Variants in ADAM12 observed in about 807,000 individuals in gnomAD.
ADAM12 encodes the protein ADAM metallopeptidase domain 12, also known as disintegrin and metalloproteinase domain-containing protein 12.
A neutral mutation model predicts 106.4 loss-of-function variants in ADAM12; 70 were observed. The ratio of observed to expected loss-of-function variants is 0.66; its 90% CI spans 0.54 to 0.80. The LOEUF is 0.80. Among genes scored for constraint, ADAM12 ranks in the 30% least tolerant of loss-of-function variants. The pLI is 0.00. For missense variants in ADAM12, 1,010 were observed against 1,171.9 expected (o/e 0.86, Z 2.02); for synonymous variants, 420 against 433.5 (o/e 0.97, Z 0.39).
At chr10:126,057,799 C>T (rs1028011112) in intron 14 of ADAM12, among the ~76,000 whole-genome samples, 7 of 152,188 alleles carry the variant, frequency 4.6e-5, no homozygotes, top group African/African-American at 7.2e-5. Context: ...TTTGTGAAAA[C>T]GGACTGTGGG....
At chr10:126,217,387 A>G (rs9422962) in intron 3 of ADAM12, among the ~76,000 whole-genome samples, 149,971 of 149,986 alleles carry the variant, frequency 1, 74,978 homozygotes, top group Middle Eastern at 1. Context: ...TTTTTTTTGA[A>G]ACGGAGTTTC....
At position 126,066,886 on chromosome 10, in the gene ADAM12, G is replaced by A; in HGVS notation, c.1324-80C>T. 7.3e-7 allele frequency: 1 copy of A among 1,362,896 alleles called. No individual in the cohort carries two copies. Among genetic ancestry groups the A allele is most frequent in the Non-Finnish European group, 1.0e-6 (1 of 968,254 alleles). 84.4% of individuals were successfully genotyped at this position (1,362,896 alleles called of 1,614,324 possible). On this transcript the variant is annotated intron_variant, in intron 12 of 22. Transcript: ENST00000448723. The surrounding 1 kb of genome is among the most constrained non-coding windows in gnomAD (Gnocchi z 5.1). Reference sequence around the variant, plus strand: ...GAATGCAAACATCACACCTTAAATGGCTGCAAAAAGCAAGAAAGACCAAGA... The same window carrying A: ...GAATGCAAACATCACACCTTAAATGACTGCAAAAAGCAAGAAAGACCAAGA...
intron 1 of ADAM12, among the ~76,000 whole-genome samples, chr10:126,333,176 A>G (rs1379572756): frequency 6.6e-6 from 1 of 152,222 alleles, no homozygotes. Flanking sequence ...AACCAGTTTA[A>G]TTATAAGGTA....
chr10:126,202,414 C>T (rs952836156), intron 3 of ADAM12, among the ~76,000 whole-genome samples: 1 of 152,086 alleles, frequency 6.6e-6, no homozygotes, highest in East Asian at 1.9e-4. Context: ...AATGACATTA[C>T]GAAGTCTGAA....
chr10:126,386,578 C>A (rs912910359), intron 1 of ADAM12, among the ~76,000 whole-genome samples: 1 of 152,072 alleles, frequency 6.6e-6, no homozygotes, highest in African/African-American at 2.4e-5. Flanking sequence ...CTCTCTCTAC[C>A]AAAGCTGAAC....
At chr10:126,098,214 C>T (rs1017698188) in intron 10 of ADAM12, among the ~76,000 whole-genome samples, 47 of 152,220 alleles carry the variant, frequency 3.1e-4, no homozygotes, top group African/African-American at 1.0e-3. Context: ...TACATGCCCA[C>T]CTTTCCTGTG....
rs771275082 is a variant in ADAM12, at chr10:126,049,587, C to A, written c.1692G>T (p.Lys564Asn). 1.2e-6 allele frequency: 2 copies of A among 1,614,190 alleles called. No homozygotes were observed. Among genetic ancestry groups the A allele is most frequent in the Admixed American group, 1.7e-5 (1 of 60,026 alleles). ...TCATCTCGCATTTGGCAAAGGAACT[C>A]TTCGAGACTTTGCCACAGTTGCCAT... ...DPYGNCGKVS[K>N]SSFAKCEMRD... Residue 564 changes from lysine (K) to asparagine (N), a missense_variant, in exon 15 of 23, where the codon AAG becomes AAT. Physicochemically the swap from Lys to Asn is moderately conservative, Grantham distance 94 (BLOSUM62 0). Transcript: ENST00000448723. This position sits in a 1 kb window ranked among gnomAD's most constrained non-coding sequence, Gnocchi z 4.4.
intron 4 of ADAM12, among the ~76,000 whole-genome samples, chr10:126,143,151 T>C (rs1315837980): frequency 6.6e-6 from 1 of 151,442 alleles, no homozygotes; most frequent in African/African-American, 2.4e-5. Flanking sequence ...CATGTGTATA[T>C]ATGCACGTGT....
chr10:126,388,281 C>T lies in ADAM12; in HGVS notation c.-136G>A. ...CGGCGAGTCAGCTCCGGAGCCCTCG[C>T]GCAGCGCCCGCGCCGCCGCTGAGCT... On this transcript the variant is annotated 5_prime_UTR_variant, in exon 1 of 23. Coordinates refer to ENST00000448723, the MANE Select transcript of ADAM12 (RefSeq NM_001288973.2). This position sits in a 1 kb window ranked among gnomAD's most constrained non-coding sequence, Gnocchi z 4.4. The T allele has an allele frequency of 1.7e-6, 2 of 1,144,262 alleles. No homozygotes were observed. Among genetic ancestry groups the T allele is most frequent in the Non-Finnish European group, 2.2e-6 (2 of 922,392 alleles). 70.9% of individuals were successfully genotyped at this position (1,144,262 alleles called of 1,614,324 possible).
At position 126,086,666 on chromosome 10, in the gene ADAM12, AAAAAAAAAAAAAAAATATATAT is replaced by A. The variant is rs1158733404; in HGVS notation, c.1145+7297_1145+7318del. Among the ~76,000 whole-genome samples, 250 of 50,332 alleles carry A rather than the reference AAAAAAAAAAAAAAAATATATAT, an allele frequency of 5.0e-3. 13 individuals carry two copies. The highest frequency in any genetic ancestry group is 0.013 in the African/African-American group (78 of 6,030). The allele number at this position is 50,332 out of a possible 152,430, so 33.0% of individuals were successfully genotyped here. ...GACTCTGCCTCAAAAAAAAAAAAAA[AAAAAAAAAAAAAAAATATATAT>A]ATATATATATATATATATAAAATAA... On this transcript the variant is annotated intron_variant, in intron 11 of 22. Transcript: ENST00000448723.
intron 21 of ADAM12, among the ~76,000 whole-genome samples, chr10:126,023,691 C>T (rs941789925): frequency 7.2e-5 from 11 of 152,058 alleles, no homozygotes; most frequent in Non-Finnish European, 1.6e-4. Context: ...CTGGACAGAC[C>T]GAGGGAGAAA....
intron 11 of ADAM12, among the ~76,000 whole-genome samples, chr10:126,079,949 T>C (rs182279902): frequency 6.6e-6 from 1 of 152,328 alleles, no homozygotes; most frequent in Admixed American, 6.5e-5. Flanking sequence ...ACTGATCTGA[T>C]TTTAGGCATG....
At chr10:126,314,601 T>C (rs1409525056) in intron 2 of ADAM12, among the ~76,000 whole-genome samples, 8 of 152,156 alleles carry the variant, frequency 5.3e-5, no homozygotes, top group African/African-American at 2.4e-5. Flanking sequence ...TGAGAGCCCA[T>C]TGTCTATATA....
At chr10:126,286,607 A>T (rs957747516) in intron 2 of ADAM12, among the ~76,000 whole-genome samples, 1 of 152,236 alleles carries the variant, frequency 6.6e-6, no homozygotes, top group Admixed American at 6.5e-5. Context: ...AATCTTGATT[A>T]CCACTTTAAT....
At chr10:126,158,653 TG>T (rs1956871848) in intron 3 of ADAM12, among the ~76,000 whole-genome samples, 1 of 13,672 alleles carries the variant, frequency 7.3e-5, no homozygotes, top group Non-Finnish European at 1.5e-4. Context: ...GAGCATGGGT[TG>T]GGGGATGCAC....
At chr10:126,160,179 CA>C (rs913298840) in intron 3 of ADAM12, among the ~76,000 whole-genome samples, 5 of 152,164 alleles carry the variant, frequency 3.3e-5, no homozygotes, top group African/African-American at 9.7e-5. Flanking sequence ...AATTCATGCT[CA>C]GCATACAACA....
chr10:126,136,093 G>A (rs113531814), intron 4 of ADAM12, among the ~76,000 whole-genome samples: 89 of 129,760 alleles, frequency 6.9e-4, no homozygotes, highest in South Asian at 5.6e-3. Flanking sequence ...TATGAAAACG[G>A]GAAAGCAGAT....
intron 3 of ADAM12, among the ~76,000 whole-genome samples, chr10:126,258,236 A>G (rs1832526176): frequency 6.6e-6 from 1 of 152,218 alleles, no homozygotes; most frequent in Non-Finnish European, 1.5e-5. Context: ...AAACACTTTT[A>G]TTTGCAATCT....
chr10:126,302,047 G>A (rs908225829), intron 2 of ADAM12, among the ~76,000 whole-genome samples: 2 of 152,068 alleles, frequency 1.3e-5, no homozygotes, highest in Admixed American at 6.6e-5. Context: ...CTAAAATTTC[G>A]ACATTCTCTG....
Sources: allele counts gnomAD v4.1 joint callset (sites outside exome capture counted in the v4.1 genomes callset), GRCh38; gene constraint gnomAD v4.1.1; non-coding constraint Gnocchi (gnomAD v3.1); transcripts MANE v1.5; gene names NCBI Gene and HGNC (gene_info 2026-07-23, HGNC 2026-07-21).